The following VAV3 variants were observed in gnomAD, a reference collection of about 807,000 sequenced individuals.
VAV3 encodes the protein guanine nucleotide exchange factor VAV3.
VAV3 carries 94 observed loss-of-function variants against 131.2 expected under a neutral mutation model. That is an observed-to-expected ratio of 0.72 (90% CI 0.61 to 0.85). VAV3 has a LOEUF of 0.85. Among genes scored for constraint, VAV3 ranks in the 40% least tolerant of loss-of-function variants. VAV3 has a pLI of 0.00. For missense variants in VAV3, 939 were observed against 1,002.7 expected (o/e 0.94, Z 0.86); for synonymous variants, 349 against 342.0 (o/e 1.02, Z -0.22).
At chr1:107,959,783 G>A (rs918813456) in intron 1 of VAV3, among the ~76,000 whole-genome samples, 14 of 152,000 alleles carry the variant, frequency 9.2e-5, no homozygotes, top group Admixed American at 3.9e-4. Flanking sequence ...CAACTTGCTC[G>A]GCGTACCCAT....
intron 20 of VAV3, among the ~76,000 whole-genome samples, chr1:107,636,691 A>C (rs1654954344): frequency 1.3e-5 from 2 of 152,204 alleles, no homozygotes; most frequent in African/African-American, 2.4e-5. Flanking sequence ...CTCCAAGTAT[A>C]GTTTCTACTG....
intron 25 of VAV3, among the ~76,000 whole-genome samples, chr1:107,575,250 T>G (rs774931954): frequency 6.6e-5 from 10 of 152,130 alleles, no homozygotes; most frequent in Non-Finnish European, 1.2e-4. Flanking sequence ...TTGGTGAAAC[T>G]TTATAAATCT....
chr1:107,912,253 T>TA (rs1295187391), intron 1 of VAV3, among the ~76,000 whole-genome samples: 1 of 152,206 alleles, frequency 6.6e-6, no homozygotes, highest in East Asian at 1.9e-4. Context: ...ATCTATCAGT[T>TA]AAAAAATACT....
At chr1:107,686,790 G>T (rs895593359) in intron 18 of VAV3, among the ~76,000 whole-genome samples, 2 of 152,070 alleles carry the variant, frequency 1.3e-5, no homozygotes, top group Non-Finnish European at 2.9e-5. Context: ...AATTTAAAAA[G>T]TATAAAAGTG....
At chr1:107,807,319 A>G (rs566159668) in intron 2 of VAV3, among the ~76,000 whole-genome samples, 1 of 152,346 alleles carries the variant, frequency 6.6e-6, no homozygotes, top group South Asian at 2.1e-4. Flanking sequence ...AGTTAGGCTC[A>G]GTATTTAGAA....
At chr1:107,750,664 G>A (rs1454345418) in intron 13 of VAV3, among the ~76,000 whole-genome samples, 1 of 152,114 alleles carries the variant, frequency 6.6e-6, no homozygotes, top group Non-Finnish European at 1.5e-5. Context: ...ACATAATTAA[G>A]GACTCCGGGC....
chr1:107,819,990 C>T (rs539209535), intron 2 of VAV3, among the ~76,000 whole-genome samples: 1 of 152,184 alleles, frequency 6.6e-6, no homozygotes, highest in East Asian at 1.9e-4. Context: ...GAAAAGTGAA[C>T]CCTCATACAC....
At chr1:107,612,964 T>TC (rs1437783445) in intron 21 of VAV3, among the ~76,000 whole-genome samples, 1 of 152,160 alleles carries the variant, frequency 6.6e-6, no homozygotes, top group Non-Finnish European at 1.5e-5. Context: ...CATTCCTTTT[T>TC]CCAAGTGTCA....
intron 1 of VAV3, among the ~76,000 whole-genome samples, chr1:107,906,461 G>A (rs1444239355): frequency 6.6e-6 from 1 of 151,996 alleles, no homozygotes; most frequent in Non-Finnish European, 1.5e-5. Flanking sequence ...TCAGGAGATC[G>A]AGACCATCCT....
chr1:107,688,141 A>G (rs1659165675), intron 18 of VAV3, among the ~76,000 whole-genome samples: 1 of 152,172 alleles, frequency 6.6e-6, no homozygotes, highest in Non-Finnish European at 1.5e-5. Flanking sequence ...TTTCATACAC[A>G]GTCTTTGATT....
At chr1:107,854,166 C>G (rs1383115426) in intron 2 of VAV3, among the ~76,000 whole-genome samples, 2 of 152,058 alleles carry the variant, frequency 1.3e-5, no homozygotes, top group Non-Finnish European at 2.9e-5. Flanking sequence ...AAAAATTAGC[C>G]AGGCATGGTA....
At chr1:107,739,214 T>G (rs72979639) in intron 15 of VAV3, among the ~76,000 whole-genome samples, 4,415 of 152,328 alleles carry the variant, frequency 0.029, 205 homozygotes, top group African/African-American at 0.095. Flanking sequence ...ATGAGAGAGC[T>G]TGATCCTCAC....
chr1:107,839,607 C>T (rs1668608253), intron 2 of VAV3, among the ~76,000 whole-genome samples: 2 of 151,916 alleles, frequency 1.3e-5, no homozygotes, highest in South Asian at 4.2e-4. Flanking sequence ...CTAAAGCTTC[C>T]ACCCTAGGAA....
At chr1:107,706,566 T>C (rs1345141251) in intron 15 of VAV3, among the ~76,000 whole-genome samples, 1 of 152,152 alleles carries the variant, frequency 6.6e-6, no homozygotes, top group Non-Finnish European at 1.5e-5. Flanking sequence ...TGATTAAAAA[T>C]TGCAGAGCTT....
At chr1:107,945,996 G>A (rs1014425220) in intron 1 of VAV3, among the ~76,000 whole-genome samples, 3 of 152,074 alleles carry the variant, frequency 2.0e-5, no homozygotes, top group Non-Finnish European at 4.4e-5. Context: ...TTTATGGAAT[G>A]AGCGAGAGGA....
chr1:107,901,652 A>G (rs927824662), intron 1 of VAV3, among the ~76,000 whole-genome samples: 1 of 152,160 alleles, frequency 6.6e-6, no homozygotes, highest in Non-Finnish European at 1.5e-5. Context: ...AAATAAAAAT[A>G]TTTTTCCTTT....
intron 2 of VAV3, among the ~76,000 whole-genome samples, chr1:107,836,585 A>T (rs906052714): frequency 1.4e-4 from 22 of 152,216 alleles, no homozygotes; most frequent in Admixed American, 1.4e-3. Flanking sequence ...GAAGAACTAA[A>T]TGAAACTGAG....
intron 19 of VAV3, among the ~76,000 whole-genome samples, chr1:107,644,595 A>C (rs1300756928): frequency 3.3e-5 from 5 of 152,126 alleles, no homozygotes; most frequent in African/African-American, 1.2e-4. Flanking sequence ...CAGGGATAAA[A>C]AGGGAGCAGC....
chr1:107,751,103 T>C lies in VAV3; in HGVS notation c.1259+14A>G, dbSNP rs1234139696. 3 of 1,604,132 alleles carry C rather than the reference T, an allele frequency of 1.9e-6. No individual in the cohort carries two copies. The highest frequency in any genetic ancestry group is 1.7e-5 in the Admixed American group (1 of 57,934). ...TAATTACTTATTTTGAAAATAGTAT[T>C]CTTCTTTTCTTACCTTTCTTGTTTG... On this transcript the variant is annotated intron_variant, in intron 13 of 26. Coordinates refer to ENST00000370056, the MANE Select transcript of VAV3 (RefSeq NM_006113.5).
Sources: gnomAD v4.1 joint callset for allele counts (sites outside exome capture counted in the v4.1 genomes callset) on GRCh38, gnomAD v4.1.1 for gene constraint, MANE v1.5 for transcripts, NCBI Gene and HGNC (gene_info 2026-07-23, HGNC 2026-07-21) for gene names.